The following ADGB variants were observed in gnomAD, a reference collection of about 807,000 sequenced individuals.
ADGB encodes the protein androglobin.
ADGB carries 172 observed loss-of-function variants against 210.5 expected under a neutral mutation model. That is an observed-to-expected ratio of 0.82 (90% CI 0.72 to 0.93). ADGB has a LOEUF of 0.93. Among genes scored for constraint, ADGB ranks in the 40% least tolerant of loss-of-function variants. ADGB has a pLI of 0.00. For synonymous variants in ADGB, 658 were observed against 662.7 expected (o/e 0.99, Z 0.11); for missense variants, 2,025 against 1,964.8 (o/e 1.03, Z -0.58).
At chr6:146,619,110 CAT>C (rs748031257) in intron 1 of ADGB, among the ~76,000 whole-genome samples, 7 of 151,736 alleles carry the variant, frequency 4.6e-5, no homozygotes, top group Non-Finnish European at 5.9e-5. Flanking sequence ...ATGTAATAAC[CAT>C]ATATATATAG....
In ADGB at chr6:146,730,659, C is replaced by G. The variant is rs2114583414; in HGVS notation, c.2520+1918C>G. Among the ~76,000 whole-genome samples the G allele has an allele frequency of 1.3e-5, 2 of 152,286 alleles. 1 individual carries two copies. Among genetic ancestry groups the G allele is most frequent in the South Asian group, 4.2e-4 (2 of 4,816 alleles). On this transcript the variant is annotated intron_variant, in intron 20 of 35. Transcript: ENST00000397944. ...CTATCTTCCATGATGATTAACATTT[C>G]AAATAAATGGTACTCAGGTCCTGGA...
At chr6:146,736,419 T>G in intron 22 of ADGB, 79 bp from the exon 23 acceptor site, 1 of 919,538 alleles carries the variant, frequency 1.1e-6, no homozygotes, top group Non-Finnish European at 1.6e-6. Flanking sequence ...ACTTCATTTG[T>G]GAAAATGAAG....
rs765356821 is a variant in ADGB, at chr6:146,794,269, G to T, written c.4537+5659G>T. 1.0e-3 allele frequency among the ~76,000 whole-genome samples: 155 copies of T among 152,122 alleles called. 3 individuals are homozygous for T. Among genetic ancestry groups the T allele is most frequent in the Non-Finnish European group, 3.5e-4 (24 of 68,020 alleles). ...TGGGTAGACAGAACTGGTTGTGTAT[G>T]TTAAAAAGGTTGTGAGTTTATTGTT... On this transcript the variant is annotated intron_variant, in intron 33 of 35. Transcript: ENST00000397944.
intron 3 of ADGB, 107 bp downstream of exon 3, chr6:146,644,972 G>A (rs1775585935): frequency 3.5e-6 from 2 of 576,302 alleles, no homozygotes; most frequent in South Asian, 3.6e-5. Flanking sequence ...TTCTCTTGTG[G>A]TATTCAGTAA....
chr6:146,708,676 T>C (rs1335775735), intron 13 of ADGB, among the ~76,000 whole-genome samples: 1 of 152,144 alleles, frequency 6.6e-6, no homozygotes, highest in African/African-American at 2.4e-5. Context: ...CAGTATGTCT[T>C]GGTGCACAGT....
intron 4 of ADGB, 137 bp downstream of exon 4, chr6:146,654,343 C>CA: frequency 2.7e-6 from 1 of 376,530 alleles, no homozygotes; most frequent in Non-Finnish European, 4.9e-6. Context: ...TATATAATAC[C>CA]AAAAAATATA....
chr6:146,712,054 C>CAA (rs59777911), intron 13 of ADGB, among the ~76,000 whole-genome samples: 44 of 137,466 alleles, frequency 3.2e-4, no homozygotes, highest in East Asian at 6.4e-4. Context: ...CAGATCCTGT[C>CAA]AAAAAAAAAA....
intron 25 of ADGB, among the ~76,000 whole-genome samples, chr6:146,742,454 TA>T (rs756014580): frequency 2.6e-5 from 4 of 152,056 alleles, no homozygotes; most frequent in Non-Finnish European, 4.4e-5. Context: ...TTGGCAAATT[TA>T]ACATTTACAT....
intron 13 of ADGB, among the ~76,000 whole-genome samples, chr6:146,705,336 A>G (rs1057340283): frequency 6.6e-6 from 1 of 151,982 alleles, no homozygotes; most frequent in Non-Finnish European, 1.5e-5. Context: ...AGAAGTGGTT[A>G]TTTTCCTTGT....
At chr6:146,600,926 G>GCACACACA (rs35082520) in intron 1 of ADGB, among the ~76,000 whole-genome samples, 15 of 144,568 alleles carry the variant, frequency 1.0e-4, no homozygotes, top group Admixed American at 2.7e-4. Flanking sequence ...TCCCCCATGC[G>GCACACACA]CACACACACA....
In ADGB at chr6:146,764,071, A is replaced by G; in HGVS notation, c.3721A>G (p.Arg1241Gly). ...GGAGGAAACTACCAGTACACCCACT[A>G]GAGAAGACAGTTCCAGCACACCACT... ...VEEETTSTPT[R>G]EDSSSTPLQN... The change falls in exon 28 of 36, where the codon AGA becomes GGA. Residue 1241 changes from arginine to glycine, a missense_variant. By Grantham distance (125) the Arg-to-Gly change is moderately radical (BLOSUM62 -2). Coordinates refer to ENST00000397944, the MANE Select transcript of ADGB (RefSeq NM_024694.4). 2 of 1,550,268 alleles carry G rather than the reference A, an allele frequency of 1.3e-6. No homozygotes were observed. The highest frequency in any genetic ancestry group is 1.7e-6 in the Non-Finnish European group (2 of 1,146,366).
At chr6:146,717,799 A>G (rs1776756455) in intron 16 of ADGB, among the ~76,000 whole-genome samples, 200 bp downstream of exon 16, 1 of 152,242 alleles carries the variant, frequency 6.6e-6, no homozygotes, top group African/African-American at 2.4e-5. Flanking sequence ...AATGTGATCC[A>G]TCTGACTATG....
At chr6:146,788,016 C>T (rs1189411505) in intron 32 of ADGB, among the ~76,000 whole-genome samples, 1 of 152,052 alleles carries the variant, frequency 6.6e-6, no homozygotes, top group South Asian at 2.1e-4. Flanking sequence ...ACAGGGATCC[C>T]CCTGCAGAGA....
chr6:146,602,234 T>C (rs1159370664), intron 1 of ADGB, among the ~76,000 whole-genome samples: 4 of 152,332 alleles, frequency 2.6e-5, no homozygotes, highest in African/African-American at 9.6e-5. Flanking sequence ...TTTTCACTTC[T>C]TTAAAGGGAG....
intron 1 of ADGB, among the ~76,000 whole-genome samples, chr6:146,632,852 T>C (rs1458472012): frequency 1.3e-5 from 2 of 152,110 alleles, no homozygotes; most frequent in Admixed American, 6.6e-5. Context: ...GACCCAGCAT[T>C]GTGGTCAGGG....
intron 35 of ADGB, chr6:146,802,658 CATT>C: frequency 1.3e-6 from 1 of 782,792 alleles, no homozygotes; most frequent in Non-Finnish European, 2.0e-6. Context: ...TTAGTGGTTT[CATT>C]ATGTGGCTTT....
intron 35 of ADGB, chr6:146,803,392 A>G: frequency 6.2e-7 from 1 of 1,608,352 alleles, no homozygotes; most frequent in Non-Finnish European, 8.5e-7. Flanking sequence ...TGGCCTGCAC[A>G]AGCCAGTTCA....
chr6:146,668,676 G>A (rs1172233989), intron 7 of ADGB, among the ~76,000 whole-genome samples: 3 of 151,966 alleles, frequency 2.0e-5, no homozygotes, highest in African/African-American at 7.2e-5. Context: ...TTTTCTCTGT[G>A]CAATAGTCAG....
chr6:146,719,854 A>G (rs2114569694), intron 16 of ADGB, among the ~76,000 whole-genome samples: 1 of 152,250 alleles, frequency 6.6e-6, no homozygotes, highest in Middle Eastern at 3.4e-3. Context: ...GTTTGAAACA[A>G]CTCTCTATAT....
Sources: allele counts gnomAD v4.1 joint callset (sites outside exome capture counted in the v4.1 genomes callset), GRCh38; gene constraint gnomAD v4.1.1; transcripts MANE v1.5; gene names NCBI Gene and HGNC (gene_info 2026-07-23, HGNC 2026-07-21).